Variants in CREBBP observed in about 807,000 individuals in gnomAD.
The protein encoded by CREBBP is CREB binding lysine acetyltransferase.
Under a neutral mutation model 265.0 loss-of-function variants are expected in CREBBP, and 19 were observed. The ratio of observed to expected loss-of-function variants is 0.07; its 90% CI spans 0.05 to 0.11. The LOEUF is 0.11. Among genes scored for constraint, CREBBP ranks in the 10% least tolerant of loss-of-function variants. The probability of loss-of-function intolerance (pLI) is 1.00; values close to 1 mark genes in which losing one functional copy is unlikely to be tolerated. For synonymous variants in CREBBP, 1,457 were observed against 1,223.7 expected, an observed-to-expected ratio of 1.19 and a Z score of -3.98; for missense variants, 2,525 against 3,219.0, an observed-to-expected ratio of 0.78 and a Z score of 5.22.
intron 3 of CREBBP, among the ~76,000 whole-genome samples, chr16:3,802,583 GATA>G (rs1460109890): frequency 2.0e-5 from 3 of 152,082 alleles, no homozygotes; most frequent in Non-Finnish European, 2.9e-5. Context: ...ACAGAATGTG[GATA>G]ATAACGCTTA....
intron 27 of CREBBP, 144 bp from the exon 28 acceptor site, chr16:3,736,347 G>A (rs1269625522): frequency 3.3e-6 from 3 of 899,802 alleles, no homozygotes; most frequent in Non-Finnish European, 1.8e-6. Flanking sequence ...CAGTGCAGCA[G>A]ACCCCCACAC....
chr16:3,802,351 C>G (rs761330601), intron 3 of CREBBP, among the ~76,000 whole-genome samples: 6 of 151,780 alleles, frequency 4.0e-5, no homozygotes, highest in Non-Finnish European at 5.9e-5. Context: ...AGACTGGTCT[C>G]AAACTCCTGA....
At chr16:3,824,469 G>C (rs2054200697) in intron 2 of CREBBP, among the ~76,000 whole-genome samples, 1 of 152,254 alleles carries the variant, frequency 6.6e-6, no homozygotes, top group Non-Finnish European at 1.5e-5. Flanking sequence ...AAACTGGAAA[G>C]CTCAGGAGAG....
At chr16:3,861,975 G>A (rs762553155) in intron 1 of CREBBP, among the ~76,000 whole-genome samples, 13 of 152,110 alleles carry the variant, frequency 8.5e-5, no homozygotes, top group Admixed American at 2.0e-4. Context: ...AGCTCGGCCG[G>A]CAGCCCCCAC....
intron 14 of CREBBP, among the ~76,000 whole-genome samples, chr16:3,770,250 T>G (rs2052967381): frequency 3.3e-5 from 5 of 152,078 alleles, no homozygotes; most frequent in Non-Finnish European, 7.4e-5. Context: ...GGCGTGATCT[T>G]GGCTCACTGT....
At chr16:3,762,895 C>T (rs1379806473) in intron 16 of CREBBP, among the ~76,000 whole-genome samples, 6 of 152,052 alleles carry the variant, frequency 3.9e-5, no homozygotes, top group Admixed American at 3.9e-4. Flanking sequence ...CTGCCTCAGC[C>T]TCCCGAGTCG....
In CREBBP at chr16:3,770,651, T is replaced by A. The variant is rs1180909512; in HGVS notation, c.2799A>T (p.Pro933=). The A allele has an allele frequency of 1.2e-6, 2 of 1,613,794 alleles. No homozygotes were observed. The highest frequency in any genetic ancestry group is 2.7e-5 in the African/African-American group (2 of 74,868). ...QAQVTPQPQT[P]VQPPSVATPQ... ...GGGTAGCCACAGACGGGGGCTGAAC[T>A]GGGGTTTGAGGCTGCGGGGTCACCT... The change falls in exon 14 of 31, where the codon CCA becomes CCT. Residue 933 remains proline, a synonymous_variant. Coordinates refer to ENST00000262367, the MANE Select transcript of CREBBP (RefSeq NM_004380.3).
intron 2 of CREBBP, among the ~76,000 whole-genome samples, chr16:3,831,299 T>C (rs2054337931): frequency 6.6e-6 from 1 of 152,144 alleles, no homozygotes. Flanking sequence ...ACATGTAAAA[T>C]ATAAACATAT....
intron 1 of CREBBP, among the ~76,000 whole-genome samples, chr16:3,876,956 G>C (rs1265350267): frequency 3.3e-5 from 5 of 152,086 alleles, no homozygotes; most frequent in Non-Finnish European, 5.9e-5. Flanking sequence ...CCCCAATGTC[G>C]GGTGCATTTT....
intron 2 of CREBBP, among the ~76,000 whole-genome samples, chr16:3,823,842 C>CAGACCTT (rs2054187246): frequency 6.6e-6 from 1 of 152,106 alleles, no homozygotes; most frequent in South Asian, 2.1e-4. Flanking sequence ...TATCGAGCAG[C>CAGACCTT]AGACCTTCCC....
chr16:3,820,424 C>T (rs2054119664), intron 2 of CREBBP, among the ~76,000 whole-genome samples: 1 of 152,310 alleles, frequency 6.6e-6, no homozygotes, highest in Admixed American at 6.5e-5. Flanking sequence ...GTGAACAGCC[C>T]ACCTTCCCCC....
At chr16:3,812,656 T>C (rs2053961232) in intron 2 of CREBBP, among the ~76,000 whole-genome samples, 1 of 151,988 alleles carries the variant, frequency 6.6e-6, no homozygotes, top group Admixed American at 6.6e-5. Flanking sequence ...GACCCCCAGC[T>C]CCAGCCTCCA....
chr16:3,867,017 G>A (rs751082761), intron 1 of CREBBP, among the ~76,000 whole-genome samples: 1 of 152,126 alleles, frequency 6.6e-6, no homozygotes, highest in Admixed American at 6.5e-5. Flanking sequence ...CTAAATTAAC[G>A]AAAAGGTCTG....
intron 27 of CREBBP, 58 bp downstream of exon 27, chr16:3,736,592 A>C: frequency 6.2e-7 from 1 of 1,610,752 alleles, no homozygotes; most frequent in South Asian, 1.1e-5. Context: ...AAAAAGGCAC[A>C]CAAATATCCT....
rs750074124 is a variant in CREBBP, at chr16:3,731,750, G to A, written c.4890+26C>T. On this transcript the variant is annotated intron_variant, in intron 29 of 30. Transcript: ENST00000262367. This position sits in a 1 kb window ranked among gnomAD's most constrained non-coding sequence, Gnocchi z 7.7. ...TTCCCTCCTCCCGGCCAGAGGCACG[G>A]CTGCAGCACCGCAGCCCACGCCTAC... The A allele has an allele frequency of 2.5e-6, 4 of 1,614,072 alleles. No homozygotes were observed. In the East Asian group the frequency reaches 8.9e-5, roughly 36 times the overall value.
intron 2 of CREBBP, among the ~76,000 whole-genome samples, chr16:3,833,822 T>C (rs2054389887): frequency 6.6e-6 from 1 of 152,146 alleles, no homozygotes; most frequent in African/African-American, 2.4e-5. Flanking sequence ...CCTTCAAAGA[T>C]AATGTCAAGA....
chr16:3,850,161 T>C (rs2054796593), intron 2 of CREBBP, 136 bp downstream of exon 2: 1 of 815,394 alleles, frequency 1.2e-6, no homozygotes, highest in African/African-American at 1.7e-5. Flanking sequence ...GAAATCTGTC[T>C]CTTCCAAGCA....
rs181180630 is a variant in CREBBP at position 3,748,137 on chromosome 16, G to A, written c.3836+1490C>T. Among the ~76,000 whole-genome samples the A allele has an allele frequency of 6.1e-4, 92 of 149,898 alleles. 1 individual carries two copies. In the East Asian group the frequency reaches 0.016, roughly 26 times the overall value. Reference sequence around the variant, plus strand: ...CATACATACATACATAAGTTAGCTGGGCGTGGTGGCGGGCACCTGTAATCC... The same window carrying A: ...CATACATACATACATAAGTTAGCTGAGCGTGGTGGCGGGCACCTGTAATCC... On this transcript the variant is annotated intron_variant, in intron 21 of 30. Transcript: ENST00000262367.
chr16:3,729,420 T>C lies in CREBBP; in HGVS notation c.5627A>G (p.Asn1876Ser). Residue 1876 changes from asparagine to serine, a missense_variant, in exon 31 of 31, where the codon AAC (asparagine) becomes AGC (serine). By Grantham distance (46) the Asn-to-Ser change is conservative. Around this residue, in one of 19 missense-constraint regions of CREBBP, gnomAD observed 53 missense variants for 146.3 expected, o/e 0.36. Transcript: ENST00000262367. ...AGAAGGCAGACTCTGCTGAGGCACG[T>C]TGCGGGTGTTCATGGTGGCCATCCG... The part of the protein sequence containing the change: ...RRRMATMNTR[N>S]VPQQSLPSPT... 1.2e-6 allele frequency: 2 copies of C among 1,613,624 alleles called. No homozygotes were observed. Among genetic ancestry groups the C allele is most frequent in the Non-Finnish European group, 1.7e-6 (2 of 1,179,974 alleles).
Sources: gnomAD v4.1 joint callset for allele counts (sites outside exome capture counted in the v4.1 genomes callset) on GRCh38, gnomAD v4.1.1 for gene constraint, gnomAD v4.1.1 regional missense constraint, Gnocchi (gnomAD v3.1) non-coding constraint, MANE v1.5 for transcripts, NCBI Gene and HGNC (gene_info 2026-07-23, HGNC 2026-07-21) for gene names.